TRHR: variants seen among roughly 807,000 people sequenced by gnomAD.
The protein encoded by TRHR is thyrotropin releasing hormone receptor, also known as thyrotropin-releasing hormone receptor.
In TRHR, 14 loss-of-function variants were observed where a neutral mutation model predicts 28.0. The ratio of observed to expected loss-of-function variants is 0.50; its 90% confidence interval spans 0.33 to 0.78. The LOEUF (loss-of-function observed/expected upper bound fraction) is 0.78, where lower values mean the gene tolerates loss of function less well. Ranked by LOEUF, TRHR falls within the 30% of genes least tolerant of loss-of-function variation. The pLI is 0.02. For missense variants in TRHR, 438 were observed against 469.5 expected (o/e 0.93, Z 0.62); for synonymous variants, 176 against 171.9 (o/e 1.02, Z -0.18).
At chr8:109,110,414 C>CT (rs112716948) in intron 2 of TRHR, among the ~76,000 whole-genome samples, 29 of 148,420 alleles carry the variant, frequency 2.0e-4, no homozygotes, top group South Asian at 2.1e-4. Context: ...TCCTATGTCA[C>CT]TTTTTTTTTT....
Position 109,114,722 on chromosome 8 carries a change from T to G in TRHR, c.790-4326T>G, listed in dbSNP as rs147398231. On this transcript the variant is annotated intron_variant, in intron 2 of 2. Coordinates refer to ENST00000518632, the MANE Select transcript of TRHR (RefSeq NM_003301.7). ...TCTCGTCTCTCTTTATCTTAAGATT[T>G]TAACTGGATCAGAAAGCCCCTGCTA... 2.9e-3 allele frequency among the ~76,000 whole-genome samples: 436 copies of G among 152,190 alleles called. 6 individuals carry two copies. The highest frequency in any genetic ancestry group is 0.019 in the Admixed American group (288 of 15,248).
chr8:109,099,920 G>T lies in TRHR; in HGVS notation c.789+11619G>T, dbSNP rs536548601. 2.6e-5 allele frequency among the ~76,000 whole-genome samples: 4 copies of T among 152,248 alleles called. No individual in the cohort carries two copies. In the South Asian group the frequency reaches 8.3e-4, roughly 32 times the overall value. ...GGGGAAACTCAGCATATTTTCTGTG[G>T]GCAGCAGCTCTTAGCTTAGAAAATA... On this transcript the variant is annotated intron_variant, in intron 2 of 2. Transcript: ENST00000518632.
intron 2 of TRHR, among the ~76,000 whole-genome samples, chr8:109,090,147 T>A (rs911046816): frequency 5.9e-5 from 9 of 152,204 alleles, no homozygotes; most frequent in Non-Finnish European, 1.3e-4. Flanking sequence ...TCTGTGAGCC[T>A]TAGTTTTGTC....
chr8:109,093,057 A>G (rs1030538041), intron 2 of TRHR, among the ~76,000 whole-genome samples: 7 of 152,158 alleles, frequency 4.6e-5, no homozygotes, highest in Non-Finnish European at 1.0e-4. Flanking sequence ...GGCAAAGCAA[A>G]AGAAAGTGAT....
Position 109,087,686 on chromosome 8 carries a change from C to T in TRHR, c.174C>T (p.Thr58=), listed in dbSNP as rs1563620035. The T allele has an allele frequency of 1.9e-6, 3 of 1,613,908 alleles. No homozygotes were observed. The highest frequency in any genetic ancestry group is 2.2e-5 in the East Asian group (1 of 44,874). The part of the protein sequence containing the change: ...LVVMRTKHMR[T]PTNCYLVSLA... ...TCATGAGAACCAAGCACATGAGGAC[C>T]CCCACAAACTGCTACCTGGTGAGCC... The change falls in exon 2 of 3, where the codon ACC becomes ACT. Residue 58 remains threonine, a synonymous_variant. Coordinates refer to ENST00000518632, the MANE Select transcript of TRHR (RefSeq NM_003301.7).
intron 2 of TRHR, among the ~76,000 whole-genome samples, chr8:109,113,660 GC>G (rs1349841160): frequency 6.6e-6 from 1 of 152,066 alleles, no homozygotes; most frequent in Admixed American, 6.6e-5. Context: ...CCATACTAAT[GC>G]AAGGGGTGAA....
At chr8:109,090,593 T>C (rs959896712) in intron 2 of TRHR, among the ~76,000 whole-genome samples, 2 of 152,192 alleles carry the variant, frequency 1.3e-5, no homozygotes, top group East Asian at 1.9e-4. Context: ...TAGTGTGTCT[T>C]GTAATTCAAC....
chr8:109,117,693 T>G (rs1811940761), intron 2 of TRHR, among the ~76,000 whole-genome samples: 1 of 151,896 alleles, frequency 6.6e-6, no homozygotes, highest in South Asian at 2.1e-4. Flanking sequence ...TTCCAAAGCT[T>G]AGAACATTTA....
chr8:109,102,962 C>G (rs1309629804), intron 2 of TRHR, among the ~76,000 whole-genome samples: 1 of 152,058 alleles, frequency 6.6e-6, no homozygotes, highest in East Asian at 1.9e-4. Flanking sequence ...GGGACACACC[C>G]AAAACAGGTA....
intron 2 of TRHR, among the ~76,000 whole-genome samples, chr8:109,114,954 T>C (rs1353781204): frequency 6.6e-6 from 1 of 152,070 alleles, no homozygotes; most frequent in Non-Finnish European, 1.5e-5. Context: ...TAACTTAGAA[T>C]GGATGGATAG....
At chr8:109,094,857 C>T (rs1188752789) in intron 2 of TRHR, among the ~76,000 whole-genome samples, 2 of 151,902 alleles carry the variant, frequency 1.3e-5, no homozygotes, top group South Asian at 2.1e-4. Flanking sequence ...ACACAAGAAA[C>T]ATCATAAAAT....
intron 1 of TRHR, among the ~76,000 whole-genome samples, chr8:109,087,170 A>G (rs1197853588): frequency 6.6e-6 from 1 of 152,140 alleles, no homozygotes; most frequent in Non-Finnish European, 1.5e-5. Context: ...CAAAACAATT[A>G]GTTTTTACTG....
At chr8:109,111,154 AAAAAC>A (rs529137712) in intron 2 of TRHR, among the ~76,000 whole-genome samples, 104 of 152,256 alleles carry the variant, frequency 6.8e-4, no homozygotes, top group African/African-American at 2.3e-3. Context: ...TCCATCTCAA[AAAAAC>A]AAAACAAAAC....
chr8:109,118,229 A>T (rs1299875140), intron 2 of TRHR, among the ~76,000 whole-genome samples: 1 of 151,980 alleles, frequency 6.6e-6, no homozygotes, highest in African/African-American at 2.4e-5. Context: ...AGTAGTGGGT[A>T]CAATACCTAT....
chr8:109,091,053 T>C (rs974929584), intron 2 of TRHR, among the ~76,000 whole-genome samples: 1 of 150,572 alleles, frequency 6.6e-6, no homozygotes, highest in Non-Finnish European at 1.5e-5. Flanking sequence ...GGAGCAGCAG[T>C]GATGAAATGG....
At chr8:109,114,906 C>A (rs1356450790) in intron 2 of TRHR, among the ~76,000 whole-genome samples, 1 of 152,016 alleles carries the variant, frequency 6.6e-6, no homozygotes, top group Non-Finnish European at 1.5e-5. Flanking sequence ...CATCAAGAAC[C>A]AGAACATTGA....
chr8:109,092,452 T>G (rs1296768909), intron 2 of TRHR, among the ~76,000 whole-genome samples: 1 of 151,672 alleles, frequency 6.6e-6, no homozygotes, highest in Non-Finnish European at 1.5e-5. Flanking sequence ...TTTATTTATT[T>G]TTGAGATAGA....
At position 109,092,298 on chromosome 8, in the gene TRHR, C is replaced by T. The variant is rs182889144; in HGVS notation, c.789+3997C>T. ...GGCAGAATTTTTACTATGGAATTCA[C>T]TTGACTCATCAAGCCTTAAAAATAT... On this transcript the variant is annotated intron_variant, in intron 2 of 2. Transcript: ENST00000518632. Among the ~76,000 whole-genome samples the T allele has an allele frequency of 4.5e-4, 69 of 152,078 alleles. No homozygotes were observed. In the East Asian group the frequency reaches 0.012, roughly 26 times the overall value.
At chr8:109,112,330 G>T (rs1389308075) in intron 2 of TRHR, among the ~76,000 whole-genome samples, 1 of 152,058 alleles carries the variant, frequency 6.6e-6, no homozygotes, top group Non-Finnish European at 1.5e-5. Context: ...GGGAATTGAG[G>T]TATGAATCAA....
Sources: allele counts gnomAD v4.1 joint callset (sites outside exome capture counted in the v4.1 genomes callset), GRCh38; gene constraint gnomAD v4.1.1; transcripts MANE v1.5; gene names NCBI Gene and HGNC (gene_info 2026-07-23, HGNC 2026-07-21).